COMMD1: variants seen among roughly 807,000 people sequenced by gnomAD.
COMMD1 encodes copper metabolism domain containing 1.
Under a neutral mutation model 17.2 loss-of-function variants are expected in COMMD1, and 10 were observed. The observed-to-expected ratio is 0.58, with a 90% CI of 0.36 to 0.99. The LOEUF (loss-of-function observed/expected upper bound fraction) is 0.99. Ranked by LOEUF, COMMD1 falls within the 50% of genes least tolerant of loss-of-function variation. The probability of loss-of-function intolerance (pLI) is 0.01; values close to 1 mark genes in which losing one functional copy is unlikely to be tolerated. For synonymous variants in COMMD1, 97 were observed against 91.6 expected (o/e 1.06, Z -0.34); for missense variants, 270 against 231.8 (o/e 1.17, Z -1.07).
chr2:61,893,998 G>A (rs1367004384), intron 1 of COMMD1, among the ~76,000 whole-genome samples: 1 of 152,136 alleles, frequency 6.6e-6, no homozygotes, highest in African/African-American at 2.4e-5. Context: ...AGGAGTTAAA[G>A]GATGCACTCT....
chr2:61,938,077 G>A (rs1403048518), intron 1 of COMMD1, among the ~76,000 whole-genome samples: 5 of 152,138 alleles, frequency 3.3e-5, no homozygotes, highest in African/African-American at 1.2e-4. Context: ...GCATGAGCTG[G>A]GCAGGAGAGA....
chr2:61,959,312 C>T (rs1263918018), intron 1 of COMMD1, among the ~76,000 whole-genome samples: 1 of 151,230 alleles, frequency 6.6e-6, no homozygotes, highest in African/African-American at 2.4e-5. Flanking sequence ...AATGCTAGGA[C>T]AAGGAAAGGA....
intron 1 of COMMD1, among the ~76,000 whole-genome samples, chr2:61,916,612 C>T (rs1331307719): frequency 1.3e-5 from 2 of 151,250 alleles, no homozygotes; most frequent in South Asian, 2.1e-4. Flanking sequence ...TTTTTTTTAG[C>T]GACAGGGTCT....
chr2:62,055,701 G>C lies in COMMD1; in HGVS notation c.462+54719G>C, dbSNP rs531867220. Among the ~76,000 whole-genome samples the C allele has an allele frequency of 2.0e-5, 3 of 152,364 alleles. No individual in the cohort carries two copies. In the East Asian group the frequency reaches 5.8e-4, roughly 29 times the overall value. ...TAGCTAACCACATTGCTAAAGCTAA[G>C]AAGCCCTTTACTATTGGTAAGAGTT... On this transcript the variant is annotated intron_variant, in intron 2 of 2. Transcript: ENST00000311832.
chr2:62,131,979 C>T (rs552072745), intron 2 of COMMD1, among the ~76,000 whole-genome samples: 2 of 152,160 alleles, frequency 1.3e-5, no homozygotes, highest in Non-Finnish European at 2.9e-5. Context: ...ACCTCTGCCT[C>T]CTGGGTTCAA....
intron 1 of COMMD1, among the ~76,000 whole-genome samples, chr2:61,955,625 G>T (rs1469438656): frequency 6.6e-6 from 1 of 151,840 alleles, no homozygotes; most frequent in African/African-American, 2.4e-5. Context: ...TTTTGTCTTT[G>T]ATTCATTTTG....
chr2:61,928,779 G>C (rs1034883634), intron 1 of COMMD1: 1 of 152,052 alleles, frequency 6.6e-6, no homozygotes, highest in African/African-American at 2.4e-5. Flanking sequence ...TCCTGCCCTA[G>C]TCCCCTGAAA....
At chr2:61,904,055 C>G (rs987752955), upstream of COMMD1, among the ~76,000 whole-genome samples, 1 of 151,958 alleles carries the variant, frequency 6.6e-6, no homozygotes, top group Non-Finnish European at 1.5e-5. Flanking sequence ...TTCACCCAGG[C>G]GACAGAGTGC....
chr2:62,023,056 G>A (rs759839556), intron 2 of COMMD1, among the ~76,000 whole-genome samples: 5 of 152,032 alleles, frequency 3.3e-5, no homozygotes, highest in Admixed American at 6.6e-5. Context: ...GTGAAACCTC[G>A]ACTCTACTAA....
At chr2:62,100,102 A>T (rs1573185865) in intron 2 of COMMD1, 3 of 151,912 alleles carry the variant, frequency 2.0e-5, no homozygotes, top group Non-Finnish European at 4.4e-5. Flanking sequence ...CCTAGGAGAA[A>T]AGAGAGAGAG....
chr2:61,907,623 G>A (rs1219708075), intron 1 of COMMD1, among the ~76,000 whole-genome samples: 1 of 152,144 alleles, frequency 6.6e-6, no homozygotes, highest in East Asian at 1.9e-4. Flanking sequence ...ACGACATTTT[G>A]ATTCATTTGT....
At chr2:62,121,933 A>G (rs540182825) in intron 2 of COMMD1, among the ~76,000 whole-genome samples, 2 of 152,198 alleles carry the variant, frequency 1.3e-5, no homozygotes, top group East Asian at 1.9e-4. Context: ...CTAGGACTAC[A>G]GGTACCCACC....
At chr2:62,088,564 T>C (rs1671738016) in intron 2 of COMMD1, among the ~76,000 whole-genome samples, 1 of 152,246 alleles carries the variant, frequency 6.6e-6, no homozygotes, top group African/African-American at 2.4e-5. Flanking sequence ...TAGTCCTATA[T>C]GTCTACAGTA....
At chr2:61,965,434 G>A (rs1457508412) in intron 1 of COMMD1, among the ~76,000 whole-genome samples, 1 of 152,214 alleles carries the variant, frequency 6.6e-6, no homozygotes, top group African/African-American at 2.4e-5. Context: ...AAAAACCAGA[G>A]CTAAAACTAC....
chr2:62,090,820 GC>G (rs1671804855), intron 2 of COMMD1: 1 of 152,192 alleles, frequency 6.6e-6, no homozygotes, highest in Non-Finnish European at 1.5e-5. Context: ...GAGATGGGAT[GC>G]CATGTGTTAT....
intron 1 of COMMD1, among the ~76,000 whole-genome samples, chr2:61,939,297 CAAA>C (rs1194444288): frequency 4.6e-5 from 3 of 65,260 alleles, no homozygotes; most frequent in Admixed American, 1.7e-4. Context: ...ACTAAAAATA[CAAA>C]AAAAAAAAAA....
chr2:62,090,432 C>T (rs1036028024), intron 2 of COMMD1, among the ~76,000 whole-genome samples: 63 of 152,164 alleles, frequency 4.1e-4, no homozygotes, highest in African/African-American at 1.5e-3. Flanking sequence ...GAATCCAATA[C>T]ATTTAATGTC....
At position 61,963,190 on chromosome 2, in the gene COMMD1, T is replaced by TACAC. The variant is rs375894719; in HGVS notation, c.181-37483_181-37480dup. On this transcript the variant is annotated intron_variant, in intron 1 of 2. Coordinates refer to ENST00000311832, the MANE Select transcript of COMMD1 (RefSeq NM_152516.4). ...AAAAAATATATATATATATATTATATACACACACACACACACACACACACA... is the reference window on the plus strand; with the variant it reads ...AAAAAATATATATATATATATTATATACACACACACACACACACACACACACACA... Among the ~76,000 whole-genome samples, 705 of 136,358 alleles carry TACAC rather than the reference T, an allele frequency of 5.2e-3. 4 individuals are homozygous for TACAC. The highest frequency in any genetic ancestry group is 7.6e-3 in the African/African-American group (258 of 34,160). 89.5% of individuals were successfully genotyped at this position (136,358 alleles called of 152,430 possible).
chr2:62,050,194 C>T (rs1239957489), intron 2 of COMMD1, among the ~76,000 whole-genome samples: 1 of 152,108 alleles, frequency 6.6e-6, no homozygotes, highest in Non-Finnish European at 1.5e-5. Context: ...CCAGATGAAG[C>T]ATTAGATCAT....
Sources: allele counts gnomAD v4.1 joint callset (sites outside exome capture counted in the v4.1 genomes callset), GRCh38; gene constraint gnomAD v4.1.1; transcripts MANE v1.5; gene names NCBI Gene and HGNC (gene_info 2026-07-23, HGNC 2026-07-21).